Variants in MAP2K5 observed in about 807,000 individuals in gnomAD.
MAP2K5 encodes dual specificity mitogen-activated protein kinase kinase 5.
MAP2K5 carries 49 observed loss-of-function variants against 83.1 expected under a neutral mutation model. That is an observed-to-expected ratio of 0.59 (90% confidence interval 0.47 to 0.75). The LOEUF is 0.75. MAP2K5 is among the 30% of genes least tolerant of loss of function. The pLI is 0.00. For missense variants in MAP2K5, 457 were observed against 557.5 expected (o/e 0.82, Z 1.82); for synonymous variants, 202 against 191.8 (o/e 1.05, Z -0.44).
chr15:67,612,162 T>TTGC (rs1216227301), intron 8 of MAP2K5, among the ~76,000 whole-genome samples: 1 of 151,922 alleles, frequency 6.6e-6, no homozygotes, highest in Non-Finnish European at 1.5e-5. Context: ...TATTTTGGAC[T>TTGC]TGCTGGTCTT....
At chr15:67,732,035 A>G (rs981083015) in intron 17 of MAP2K5, among the ~76,000 whole-genome samples, 2 of 152,236 alleles carry the variant, frequency 1.3e-5, no homozygotes, top group African/African-American at 4.8e-5. Context: ...CCCCAGTGCC[A>G]TTAAATTCTG....
chr15:67,655,092 A>G (rs1328214251), intron 11 of MAP2K5, among the ~76,000 whole-genome samples: 6 of 151,718 alleles, frequency 4.0e-5, no homozygotes, highest in Non-Finnish European at 8.8e-5. Flanking sequence ...GTATACAAAA[A>G]CTTTGCTTCT....
intron 8 of MAP2K5, among the ~76,000 whole-genome samples, chr15:67,619,034 C>G (rs1276038651): frequency 6.6e-6 from 1 of 152,176 alleles, no homozygotes; most frequent in African/African-American, 2.4e-5. Flanking sequence ...TTCCTTACCT[C>G]TCTGACCTCA....
At chr15:67,725,124 T>G (rs137966252) in intron 16 of MAP2K5, among the ~76,000 whole-genome samples, 47 of 152,308 alleles carry the variant, frequency 3.1e-4, no homozygotes, top group Middle Eastern at 3.4e-3. Flanking sequence ...TGGCACCTGT[T>G]CCCAAGCAGA....
chr15:67,721,227 A>T (rs2088953344), intron 16 of MAP2K5, among the ~76,000 whole-genome samples: 1 of 152,056 alleles, frequency 6.6e-6, no homozygotes. Context: ...TTTCTCCCTT[A>T]TTATTAATAA....
chr15:67,796,719 C>T (rs1013515654), intron 21 of MAP2K5, among the ~76,000 whole-genome samples: 2 of 152,134 alleles, frequency 1.3e-5, no homozygotes, highest in African/African-American at 4.8e-5. Flanking sequence ...CTGTTTCTGG[C>T]CTCTAATTGC....
intron 8 of MAP2K5, among the ~76,000 whole-genome samples, chr15:67,616,082 A>G (rs902023776): frequency 1.3e-5 from 2 of 152,178 alleles, no homozygotes; most frequent in African/African-American, 4.8e-5. Context: ...AATGCTATAA[A>G]GTCTTTGAAA....
intron 3 of MAP2K5, among the ~76,000 whole-genome samples, chr15:67,571,678 A>G (rs1262408768): frequency 6.6e-6 from 1 of 152,058 alleles, no homozygotes; most frequent in Non-Finnish European, 1.5e-5. Flanking sequence ...ACATCTTTAT[A>G]AGATCAGCAA....
At chr15:67,608,194 A>G (rs1190694815) in intron 8 of MAP2K5, among the ~76,000 whole-genome samples, 1 of 152,216 alleles carries the variant, frequency 6.6e-6, no homozygotes, top group Non-Finnish European at 1.5e-5. Context: ...CCAAGAAGGC[A>G]TAACATCAGG....
At chr15:67,615,792 G>C (rs2086041598) in intron 8 of MAP2K5, among the ~76,000 whole-genome samples, 1 of 152,066 alleles carries the variant, frequency 6.6e-6, no homozygotes, top group Non-Finnish European at 1.5e-5. Flanking sequence ...GTGACATCTA[G>C]AGGGTTTTAA....
At chr15:67,803,566 C>T (rs1393180757) in intron 21 of MAP2K5, among the ~76,000 whole-genome samples, 1 of 152,158 alleles carries the variant, frequency 6.6e-6, no homozygotes, top group Non-Finnish European at 1.5e-5. Context: ...GAGACATGAG[C>T]TCAGTGCCAG....
chr15:67,656,681 C>T (rs2087088031), intron 11 of MAP2K5, among the ~76,000 whole-genome samples: 1 of 152,114 alleles, frequency 6.6e-6, no homozygotes, highest in Admixed American at 6.6e-5. Flanking sequence ...CCTCTCTGAG[C>T]TCTGCCATCA....
chr15:67,593,933 TC>T (rs1386440460), intron 7 of MAP2K5, among the ~76,000 whole-genome samples: 5 of 152,228 alleles, frequency 3.3e-5, no homozygotes. Flanking sequence ...CAAAGCCAGG[TC>T]CTCATGCCTG....
chr15:67,588,054 C>T, intron 6 of MAP2K5: 2 of 983,374 alleles, frequency 2.0e-6, no homozygotes, highest in Non-Finnish European at 2.4e-6. Flanking sequence ...AGTGTACAGT[C>T]CTGAGCTGCA....
Position 67,543,535 on chromosome 15 carries a change from C to T in MAP2K5, c.135+65C>T. ...ACTCAGGGACTTGAGTAGTCAGCAC[C>T]TTGACCACTGGTGACCTGAGCCAGT... On this transcript the variant is annotated intron_variant, in intron 1 of 21. Coordinates refer to ENST00000178640, the MANE Select transcript of MAP2K5 (RefSeq NM_145160.3). The surrounding 1 kb of genome is among the most constrained non-coding windows in gnomAD (Gnocchi z 4.3). 2 of 1,588,378 alleles carry T rather than the reference C, an allele frequency of 1.3e-6. No individual in the cohort carries two copies. The highest frequency in any genetic ancestry group is 1.7e-6 in the Non-Finnish European group (2 of 1,159,230).
At chr15:67,596,727 G>C (rs879262890) in intron 7 of MAP2K5, among the ~76,000 whole-genome samples, 3 of 152,154 alleles carry the variant, frequency 2.0e-5, no homozygotes, top group African/African-American at 7.2e-5. Flanking sequence ...AGAGCTCAGT[G>C]CCAGTCATTT....
intron 9 of MAP2K5, chr15:67,641,654 C>T: frequency 2.0e-6 from 2 of 982,716 alleles, no homozygotes; most frequent in Non-Finnish European, 2.4e-6. Context: ...TGGAAATGCA[C>T]CAAGGTATTT....
At position 67,572,887 on chromosome 15, in the gene MAP2K5, C is replaced by T. The variant is rs1046464287; in HGVS notation, c.253-7867C>T. On this transcript the variant is annotated intron_variant, in intron 3 of 21. Coordinates refer to ENST00000178640, the MANE Select transcript of MAP2K5 (RefSeq NM_145160.3). This position sits in a 1 kb window ranked among gnomAD's most constrained non-coding sequence, Gnocchi z 4.2. ...CTAAGTTTTGTATTTTTAGTAGAGA[C>T]GGGTTTTCACGTATTGGCCAGGCTG... Among the ~76,000 whole-genome samples, 24 of 152,042 alleles carry T rather than the reference C, an allele frequency of 1.6e-4. No homozygotes were observed. The highest frequency in any genetic ancestry group is 4.8e-4 in the African/African-American group (20 of 41,466).
chr15:67,613,128 T>C (rs1337332114), intron 8 of MAP2K5, among the ~76,000 whole-genome samples: 1 of 152,202 alleles, frequency 6.6e-6, no homozygotes, highest in African/African-American at 2.4e-5. Context: ...TTAAAACTTA[T>C]CCAACCAGCT....
Sources: gnomAD v4.1 joint callset for allele counts (sites outside exome capture counted in the v4.1 genomes callset) on GRCh38, gnomAD v4.1.1 for gene constraint, Gnocchi (gnomAD v3.1) non-coding constraint, MANE v1.5 for transcripts, NCBI Gene and HGNC (gene_info 2026-07-23, HGNC 2026-07-21) for gene names.